Variants in TANGO6 observed in about 807,000 individuals in gnomAD.
TANGO6 encodes the protein transport and Golgi organization protein 6 homolog.
A neutral mutation model predicts 114.2 loss-of-function variants in TANGO6; 90 were observed. The observed-to-expected ratio is 0.79, with a 90% CI of 0.66 to 0.94. TANGO6 has a LOEUF of 0.94. TANGO6 is among the 40% of genes least tolerant of loss of function. TANGO6 has a pLI of 0.00. For synonymous variants in TANGO6, 477 were observed against 509.8 expected, an observed-to-expected ratio of 0.94 and a Z score of 0.87; for missense variants, 1,274 against 1,315.3, an observed-to-expected ratio of 0.97 and a Z score of 0.49.
At chr16:68,971,216 T>G (rs944228018) in intron 14 of TANGO6, among the ~76,000 whole-genome samples, 1 of 152,012 alleles carries the variant, frequency 6.6e-6, no homozygotes, top group African/African-American at 2.4e-5. Context: ...CCTTGTAATA[T>G]ATCAGTGATA....
Position 68,856,176 on chromosome 16 carries a change from T to G in TANGO6, c.95-3708T>G, listed in dbSNP as rs180753853. ...TTTTCAGTAATATGTTGAATAGAAG[T>G]GAGAATAGACATCCTGTGTTTATTT... On this transcript the variant is annotated intron_variant, in intron 1 of 17. Transcript: ENST00000261778. Among the ~76,000 whole-genome samples, 22 of 152,326 alleles carry G rather than the reference T, an allele frequency of 1.4e-4. 1 individual carries two copies. Among genetic ancestry groups the G allele is most frequent in the African/African-American group, 4.6e-4 (19 of 41,582 alleles).
intron 5 of TANGO6, among the ~76,000 whole-genome samples, chr16:68,877,519 T>C (rs1372696608): frequency 6.6e-6 from 1 of 151,688 alleles, no homozygotes; most frequent in Non-Finnish European, 1.5e-5. Flanking sequence ...TTTCTTAATA[T>C]TCCCTATGCG....
At position 68,856,438 on chromosome 16, in the gene TANGO6, C is replaced by T. The variant is rs531635648; in HGVS notation, c.95-3446C>T. On this transcript the variant is annotated intron_variant, in intron 1 of 17. Transcript: ENST00000261778. ...CCAACTATGTATTCCTGGCATAAACCACACTTGGTAATGAAGTATTATTCT... is the reference window on the plus strand; with the variant it reads ...CCAACTATGTATTCCTGGCATAAACTACACTTGGTAATGAAGTATTATTCT... 2.4e-4 allele frequency among the ~76,000 whole-genome samples: 37 copies of T among 152,290 alleles called. No individual in the cohort carries two copies. In the South Asian group the frequency reaches 7.3e-3, roughly 30 times the overall value.
chr16:69,056,082 A>G (rs1960028495), intron 17 of TANGO6, among the ~76,000 whole-genome samples: 1 of 152,146 alleles, frequency 6.6e-6, no homozygotes, highest in African/African-American at 2.4e-5. Flanking sequence ...AGCTGAAAAG[A>G]TGAGGACTCA....
intron 11 of TANGO6, 165 bp downstream of exon 11, chr16:68,909,567 C>A: frequency 1.9e-6 from 1 of 532,646 alleles, no homozygotes; most frequent in Non-Finnish European, 2.9e-6. Flanking sequence ...CCACTGAATC[C>A]AAAACGTTCC....
At chr16:68,906,024 C>T (rs1230223997) in intron 9 of TANGO6, among the ~76,000 whole-genome samples, 1 of 151,612 alleles carries the variant, frequency 6.6e-6, no homozygotes, top group African/African-American at 2.4e-5. Flanking sequence ...ACTAAAAATA[C>T]AAAAAATTAG....
intron 14 of TANGO6, among the ~76,000 whole-genome samples, chr16:68,966,402 G>T (rs887154142): frequency 2.0e-5 from 3 of 151,430 alleles, no homozygotes; most frequent in Non-Finnish European, 2.9e-5. Flanking sequence ...TACTTGGGAG[G>T]CTGAGACAGG....
intron 14 of TANGO6, among the ~76,000 whole-genome samples, chr16:68,963,120 G>A (rs1240132485): frequency 6.7e-6 from 1 of 148,818 alleles, no homozygotes; most frequent in African/African-American, 2.5e-5. Flanking sequence ...TTGTCCTTGT[G>A]CTTTTTTTTT....
intron 1 of TANGO6, among the ~76,000 whole-genome samples, chr16:68,854,482 A>C (rs1181336504): frequency 6.6e-6 from 1 of 152,098 alleles, no homozygotes; most frequent in African/African-American, 2.4e-5. Context: ...AAAACAAAAA[A>C]CAAGAAATTG....
intron 2 of TANGO6, among the ~76,000 whole-genome samples, chr16:68,862,413 T>C (rs1157381960): frequency 6.6e-6 from 1 of 152,028 alleles, no homozygotes; most frequent in East Asian, 1.9e-4. Flanking sequence ...GCCAGGCTGG[T>C]CTCGAACTCC....
At chr16:68,860,568 A>G (rs1962078665) in intron 2 of TANGO6, 44 bp downstream of exon 2, 5 of 1,592,282 alleles carry the variant, frequency 3.1e-6, no homozygotes, top group African/African-American at 1.3e-5. Flanking sequence ...TTGTGTGTGT[A>G]TGAATGTGTG....
At chr16:68,942,623 A>G (rs2079381579) in intron 14 of TANGO6, among the ~76,000 whole-genome samples, 1 of 152,198 alleles carries the variant, frequency 6.6e-6, no homozygotes, top group African/African-American at 2.4e-5. Context: ...AAAGTGAGGA[A>G]TACAGAATCA....
intron 1 of TANGO6, among the ~76,000 whole-genome samples, chr16:68,852,466 T>A (rs151201525): frequency 1.3e-5 from 2 of 152,068 alleles, no homozygotes; most frequent in Non-Finnish European, 2.9e-5. Context: ...AAAAAAAAAA[T>A]TTAGTTTATT....
At chr16:69,053,906 T>C (rs1417905745) in intron 17 of TANGO6, among the ~76,000 whole-genome samples, 1 of 151,884 alleles carries the variant, frequency 6.6e-6, no homozygotes. Flanking sequence ...CTACTAAAAA[T>C]ACAAAAAAAT....
At chr16:68,936,584 C>T (rs556132738) in intron 14 of TANGO6, among the ~76,000 whole-genome samples, 51 of 152,314 alleles carry the variant, frequency 3.3e-4, no homozygotes, top group African/African-American at 1.2e-3. Context: ...ATCCACCCGC[C>T]TCAGACTCCT....
At chr16:68,988,250 C>G (rs556459678) in intron 15 of TANGO6, among the ~76,000 whole-genome samples, 2 of 152,352 alleles carry the variant, frequency 1.3e-5, no homozygotes, top group African/African-American at 4.8e-5. Context: ...AGTTATTCCT[C>G]CTCATATGAC....
Position 69,025,118 on chromosome 16 carries a change from G to T in TANGO6, c.2994+2139G>T, listed in dbSNP as rs527242637. ...CTTCTCAGTCACTTTGCAAGCCAGG[G>T]ACCTCTGGCTGGGAATGCCCGACCC... On this transcript the variant is annotated intron_variant, in intron 16 of 17. Transcript: ENST00000261778. Among the ~76,000 whole-genome samples, 6 of 152,308 alleles carry T rather than the reference G, an allele frequency of 3.9e-5. No homozygotes were observed. The East Asian group carries it at 1.2e-3, about 29-fold the overall frequency.
rs897066838 is a variant in TANGO6 at position 69,022,938 on chromosome 16, T to A, written c.2953T>A (p.Cys985Ser). 2 of 1,604,186 alleles carry A rather than the reference T, an allele frequency of 1.2e-6. No individual in the cohort carries two copies. The highest frequency in any genetic ancestry group is 1.7e-5 in the Admixed American group (1 of 57,704). Residue 985 changes from cysteine to serine, a missense_variant, in exon 16 of 18, where the codon TGC becomes AGC. By Grantham distance (112) the Cys-to-Ser change is moderately radical. Around this residue, in one of 5 missense-constraint regions of TANGO6, gnomAD observed 238 missense variants for 252.9 expected, o/e 0.94. Transcript: ENST00000261778. ...ASSLANLGELCQRLDFLLGSV... is the reference protein window; with the variant it reads ...ASSLANLGELSQRLDFLLGSV... ...CAGCTTGGCCAACCTTGGGGAGCTGTGCCAGAGGCTGGACTTTCTGCTGGG... is the reference window on the plus strand; with the variant it reads ...CAGCTTGGCCAACCTTGGGGAGCTGAGCCAGAGGCTGGACTTTCTGCTGGG...
At chr16:68,880,678 T>A (rs781666691) in intron 7 of TANGO6, 48 bp downstream of exon 7, 7 of 1,414,550 alleles carry the variant, frequency 4.9e-6, no homozygotes, top group Middle Eastern at 2.3e-4. Context: ...TTATTTAAAA[T>A]TTTTTTTAAA....
Sources: allele counts gnomAD v4.1 joint callset (sites outside exome capture counted in the v4.1 genomes callset), GRCh38; gene constraint gnomAD v4.1.1; regional missense constraint gnomAD v4.1.1; transcripts MANE v1.5; gene names NCBI Gene and HGNC (gene_info 2026-07-23, HGNC 2026-07-21).